Variants in PTP4A3 observed in about 807,000 individuals in gnomAD.
PTP4A3 encodes the protein protein tyrosine phosphatase 4A3, also known as protein tyrosine phosphatase type IVA 3.
A neutral mutation model predicts 15.2 loss-of-function variants in PTP4A3; 9 were observed. The ratio of observed to expected loss-of-function variants is 0.59; its 90% CI spans 0.36 to 1.03. The LOEUF (loss-of-function observed/expected upper bound fraction) is 1.03. PTP4A3 is among the 50% of genes least tolerant of loss of function. The probability of loss-of-function intolerance (pLI) is 0.02; values close to 1 mark genes in which losing one functional copy is unlikely to be tolerated. For synonymous variants in PTP4A3, 95 were observed against 102.0 expected (o/e 0.93, Z 0.41); for missense variants, 234 against 252.1 (o/e 0.93, Z 0.49).
chr8:141,409,496 C>T (rs539625496), intron 1 of PTP4A3, among the ~76,000 whole-genome samples: 13 of 152,334 alleles, frequency 8.5e-5, no homozygotes, highest in East Asian at 7.7e-4. Flanking sequence ...CTGGGCACCA[C>T]GGCGATGCCC....
intron 1 of PTP4A3, among the ~76,000 whole-genome samples, chr8:141,418,300 C>A (rs1202209573): frequency 6.6e-6 from 1 of 152,208 alleles, no homozygotes; most frequent in African/African-American, 2.4e-5. Flanking sequence ...CTGTCTGAAG[C>A]GGGGGCTGGA....
chr8:141,408,152 T>A (rs189982563), intron 1 of PTP4A3, among the ~76,000 whole-genome samples: 56 of 152,126 alleles, frequency 3.7e-4, no homozygotes, highest in Non-Finnish European at 5.1e-4. Flanking sequence ...ACAGCAAATG[T>A]CCTGAACAGG....
At chr8:141,415,491 C>T (rs1296468396) in intron 1 of PTP4A3, among the ~76,000 whole-genome samples, 1 of 150,460 alleles carries the variant, frequency 6.6e-6, no homozygotes, top group Non-Finnish European at 1.5e-5. Context: ...CGCCGCAGCC[C>T]TGGGACCCTG....
At chr8:141,397,491 G>A (rs1357465661) in intron 1 of PTP4A3, among the ~76,000 whole-genome samples, 3 of 152,272 alleles carry the variant, frequency 2.0e-5, no homozygotes, top group Non-Finnish European at 4.4e-5. Context: ...ACAGAACAAT[G>A]ACAACTCCGC....
chr8:141,408,725 T>G lies in PTP4A3; in HGVS notation c.-853-12663T>G, dbSNP rs371621881. Among the ~76,000 whole-genome samples the G allele has an allele frequency of 1.4e-4, 21 of 152,302 alleles. No homozygotes were observed. The East Asian group carries it at 3.3e-3, about 24-fold the overall frequency. ...CTACACAGACTCTGTCCTGAGCAGC[T>G]CTCAGAAGTCCGTAAAATAGGGTGA... On this transcript the variant is annotated intron_variant, in intron 1 of 5. Coordinates refer to ENST00000521578, the MANE Select transcript of PTP4A3 (RefSeq NM_032611.3).
intron 1 of PTP4A3, among the ~76,000 whole-genome samples, chr8:141,396,453 C>G (rs929691219): frequency 1.3e-5 from 2 of 152,110 alleles, no homozygotes; most frequent in Non-Finnish European, 2.9e-5. Context: ...GTGAGCAGCT[C>G]CAGGTCATCA....
chr8:141,425,252 C>T lies in PTP4A3; in HGVS notation c.198+112C>T. The T allele has an allele frequency of 9.1e-7, 1 of 1,101,898 alleles. No individual in the cohort carries two copies. The allele number at this position is 1,101,898 out of a possible 1,614,324, so 68.3% of individuals were successfully genotyped here. ...GTGCCCCTCCTGTGGCAGCCCTGGGCATGTCTGTGCCTGGGCCACGTGTGT... is the reference window on the plus strand; with the variant it reads ...GTGCCCCTCCTGTGGCAGCCCTGGGTATGTCTGTGCCTGGGCCACGTGTGT... On this transcript the variant is annotated intron_variant, in intron 3 of 5. Coordinates refer to ENST00000521578, the MANE Select transcript of PTP4A3 (RefSeq NM_032611.3). This position sits in a 1 kb window ranked among gnomAD's most constrained non-coding sequence, Gnocchi z 4.2.
intron 1 of PTP4A3, among the ~76,000 whole-genome samples, chr8:141,403,271 A>G (rs959643957): frequency 6.6e-6 from 1 of 152,178 alleles, no homozygotes; most frequent in African/African-American, 2.4e-5. Flanking sequence ...GAGGCTGGGC[A>G]CCGTGTGTGC....
intron 1 of PTP4A3, among the ~76,000 whole-genome samples, chr8:141,414,897 G>A (rs1340300048): frequency 6.6e-6 from 1 of 151,944 alleles, no homozygotes. Context: ...ATGGGGGAGG[G>A]GCAAGTGACC....
In PTP4A3 at chr8:141,430,993, G is replaced by T; in HGVS notation, c.471G>T (p.Arg157Ser). ...TGGAGAAATACCGGCCCAAACAGAG[G>T]CTGCGGTTCAAAGACCCACACACGC... The part of the protein sequence containing the change: ...TYLEKYRPKQ[R>S]LRFKDPHTHK... Residue 157 changes from arginine to serine, a missense_variant, in exon 6 of 6, where the codon AGG becomes AGT. Physicochemically the swap from Arg to Ser is moderately radical, Grantham distance 110. Transcript: ENST00000521578. 6.2e-7 allele frequency: 1 copy of T among 1,613,348 alleles called. No individual in the cohort carries two copies. The highest frequency in any genetic ancestry group is 8.5e-7 in the Non-Finnish European group (1 of 1,179,988).
At chr8:141,416,221 G>T (rs1451403808) in intron 1 of PTP4A3, among the ~76,000 whole-genome samples, 2 of 152,016 alleles carry the variant, frequency 1.3e-5, no homozygotes, top group African/African-American at 4.8e-5. Context: ...AACTGAGGCT[G>T]GGGGGCAGGA....
chr8:141,397,680 C>T (rs1421913101), intron 1 of PTP4A3, among the ~76,000 whole-genome samples: 2 of 152,224 alleles, frequency 1.3e-5, no homozygotes, highest in Admixed American at 1.3e-4. Flanking sequence ...GCTGTGGAGC[C>T]TGGTTTCGAC....
chr8:141,430,837 A>G (rs1833838524), intron 5 of PTP4A3, 90 bp from the exon 6 acceptor site: 2 of 1,277,874 alleles, frequency 1.6e-6, no homozygotes, highest in South Asian at 1.2e-5. Context: ...ACTCCAGCCC[A>G]CTGCACTCTC....
intron 1 of PTP4A3, among the ~76,000 whole-genome samples, chr8:141,396,215 T>A (rs974383253): frequency 2.6e-5 from 4 of 152,228 alleles, no homozygotes; most frequent in Non-Finnish European, 4.4e-5. Flanking sequence ...TAAAACTTGA[T>A]GCATTTTAAC....
chr8:141,427,246 G>A (rs1372902164), intron 4 of PTP4A3, among the ~76,000 whole-genome samples, 177 bp downstream of exon 4: 1 of 152,226 alleles, frequency 6.6e-6, no homozygotes, highest in African/African-American at 2.4e-5. Flanking sequence ...CAGAGAGGAA[G>A]TGCTTCCCAA....
intron 5 of PTP4A3, among the ~76,000 whole-genome samples, 177 bp from the exon 6 acceptor site, chr8:141,430,750 G>A (rs1195632164): frequency 6.6e-6 from 1 of 152,162 alleles, no homozygotes; most frequent in Non-Finnish European, 1.5e-5. Context: ...AGGGGGCCAG[G>A]AAAGGGTGAC....
At chr8:141,394,833 G>A (rs1832398409) in intron 1 of PTP4A3, among the ~76,000 whole-genome samples, 1 of 152,254 alleles carries the variant, frequency 6.6e-6, no homozygotes, top group Non-Finnish European at 1.5e-5. Flanking sequence ...GCTGTGGGCT[G>A]CAGGAGGAGG....
At chr8:141,413,871 A>G (rs7832913) in intron 1 of PTP4A3, among the ~76,000 whole-genome samples, 63,911 of 150,782 alleles carry the variant, frequency 0.42, 15,806 homozygotes, top group African/African-American at 0.69. Context: ...AAGATGCGGT[A>G]TGGACAGGAG....
intron 2 of PTP4A3, 152 bp from the exon 3 acceptor site, chr8:141,424,896 G>T: frequency 1.5e-6 from 1 of 659,576 alleles, no homozygotes; most frequent in Non-Finnish European, 2.6e-6. Context: ...GAGGGGACAG[G>T]GCTCCACCCC....
Sources: gnomAD v4.1 joint callset for allele counts (sites outside exome capture counted in the v4.1 genomes callset) on GRCh38, gnomAD v4.1.1 for gene constraint, Gnocchi (gnomAD v3.1) non-coding constraint, MANE v1.5 for transcripts, NCBI Gene and HGNC (gene_info 2026-07-23, HGNC 2026-07-21) for gene names.